The following MAGI1 variants were observed in gnomAD, a reference collection of about 807,000 sequenced individuals.
MAGI1 encodes the protein membrane-associated guanylate kinase, WW and PDZ domain-containing protein 1.
In MAGI1, 58 loss-of-function variants were observed where a neutral mutation model predicts 139.9. The observed-to-expected ratio is 0.41, with a 90% CI of 0.34 to 0.52. The LOEUF is 0.52. Ranked by LOEUF, MAGI1 falls within the 20% of genes least tolerant of loss-of-function variation. The pLI is 0.12. For synonymous variants in MAGI1, 812 were observed against 737.9 expected (o/e 1.10, Z -1.63); for missense variants, 1,874 against 1,901.6 (o/e 0.99, Z 0.27).
At chr3:65,637,576 G>GAAAGAAAC (rs2084709480) in intron 1 of MAGI1, among the ~76,000 whole-genome samples, 4 of 147,430 alleles carry the variant, frequency 2.7e-5, no homozygotes, top group African/African-American at 1.0e-4. Flanking sequence ...AAGAAAGAAA[G>GAAAGAAAC]AAAGAAAGAA....
rs10576734 is a variant in MAGI1 at position 65,639,989 on chromosome 3, C to CAAA, written c.314-17904_314-17902dup. ...GGGCAACAAGCGCAAAACTCCGTCT[C>CAAA]AAAAAAAAAAAAAAAATTACTTCCG... On this transcript the variant is annotated intron_variant, in intron 1 of 22. Coordinates refer to ENST00000402939, the MANE Select transcript of MAGI1 (RefSeq NM_001033057.2). Among the ~76,000 whole-genome samples the CAAA allele has an allele frequency of 9.4e-3, 1,274 of 136,250 alleles. 14 individuals carry two copies. Among genetic ancestry groups the CAAA allele is most frequent in the African/African-American group, 0.032 (1,225 of 37,816 alleles). The allele number at this position is 136,250 out of a possible 152,430, so 89.4% of individuals were successfully genotyped here.
intron 1 of MAGI1, among the ~76,000 whole-genome samples, chr3:65,745,345 G>A (rs1291095069): frequency 6.6e-6 from 1 of 152,124 alleles, no homozygotes; most frequent in Non-Finnish European, 1.5e-5. Context: ...TCAAGGATTA[G>A]TGGTCAGTAA....
intron 1 of MAGI1, among the ~76,000 whole-genome samples, chr3:65,747,220 C>G (rs2035784170): frequency 6.6e-6 from 1 of 152,192 alleles, no homozygotes; most frequent in Non-Finnish European, 1.5e-5. Context: ...AGGGGACCCT[C>G]TGAGGAGTCT....
At chr3:66,026,085 C>G (rs1303745126) in intron 1 of MAGI1, among the ~76,000 whole-genome samples, 1 of 151,360 alleles carries the variant, frequency 6.6e-6, no homozygotes, top group Non-Finnish European at 1.5e-5. Context: ...TCTTAACTAA[C>G]TCACACAGAC....
chr3:65,791,103 G>A (rs2039736581), intron 1 of MAGI1, among the ~76,000 whole-genome samples: 1 of 152,096 alleles, frequency 6.6e-6, no homozygotes, highest in Non-Finnish European at 1.5e-5. Flanking sequence ...AATAAAGAAT[G>A]TGCAAATCAA....
At chr3:65,623,389 G>C (rs1044319862) in intron 1 of MAGI1, among the ~76,000 whole-genome samples, 1 of 152,130 alleles carries the variant, frequency 6.6e-6, no homozygotes, top group African/African-American at 2.4e-5. Flanking sequence ...TCATAGAAAA[G>C]AGATACATTT....
intron 1 of MAGI1, among the ~76,000 whole-genome samples, chr3:65,705,949 T>A (rs1048377277): frequency 1.3e-5 from 2 of 152,252 alleles, no homozygotes; most frequent in Non-Finnish European, 2.9e-5. Flanking sequence ...TTTCTGTAGA[T>A]GAAATGTGGT....
Position 65,566,832 on chromosome 3 carries a change from G to A in MAGI1, c.430+55140C>T, listed in dbSNP as rs570007703. 8.2e-5 allele frequency among the ~76,000 whole-genome samples: 12 copies of A among 145,660 alleles called. No individual in the cohort carries two copies. In the East Asian group the frequency reaches 1.5e-3, roughly 19 times the overall value. On this transcript the variant is annotated intron_variant, in intron 2 of 22. Coordinates refer to ENST00000402939, the MANE Select transcript of MAGI1 (RefSeq NM_001033057.2). Reference sequence around the variant, plus strand: ...TAATTTTTGAGACCTCTCCTGACCCGGTGATCCACCCGCCTGGGCCTCCCA... The same window carrying A: ...TAATTTTTGAGACCTCTCCTGACCCAGTGATCCACCCGCCTGGGCCTCCCA...
chr3:65,820,472 T>G (rs1316651498), intron 1 of MAGI1, among the ~76,000 whole-genome samples: 1 of 152,172 alleles, frequency 6.6e-6, no homozygotes, highest in Non-Finnish European at 1.5e-5. Context: ...GGATCTCTTT[T>G]AAGTCGAGGA....
intron 12 of MAGI1, among the ~76,000 whole-genome samples, chr3:65,420,131 C>A (rs1282567223): frequency 6.6e-6 from 1 of 152,048 alleles, no homozygotes; most frequent in Non-Finnish European, 1.5e-5. Flanking sequence ...CAGGGACTAT[C>A]TGAACACGTT....
chr3:65,885,182 T>C (rs62245748), intron 1 of MAGI1, among the ~76,000 whole-genome samples: 8,268 of 152,212 alleles, frequency 0.054, 316 homozygotes, highest in Middle Eastern at 0.14. Context: ...GCAGATCACC[T>C]GAGGTCAAGA....
At chr3:65,706,796 G>A (rs574986292) in intron 1 of MAGI1, among the ~76,000 whole-genome samples, 2 of 152,220 alleles carry the variant, frequency 1.3e-5, no homozygotes, top group East Asian at 1.9e-4. Flanking sequence ...AAATGAAAAC[G>A]CAAGCAGGAG....
chr3:65,870,592 G>A (rs76351452), intron 1 of MAGI1, among the ~76,000 whole-genome samples: 73 of 150,880 alleles, frequency 4.8e-4, no homozygotes, highest in Non-Finnish European at 8.7e-4. Context: ...GAGAAGGAGG[G>A]AGGGAGAGGA....
chr3:65,687,742 C>T (rs1559787295), intron 1 of MAGI1: 6 of 549,188 alleles, frequency 1.1e-5, no homozygotes, highest in Middle Eastern at 6.6e-4. Context: ...CCTGAGAGCA[C>T]AGGATCCTTC....
At chr3:65,494,831 C>A (rs1324099597) in intron 2 of MAGI1, among the ~76,000 whole-genome samples, 1 of 152,224 alleles carries the variant, frequency 6.6e-6, no homozygotes, top group East Asian at 1.9e-4. Flanking sequence ...AAGTCAAAAA[C>A]ACTCAACACT....
At chr3:65,737,301 A>G (rs2107763465) in intron 1 of MAGI1, among the ~76,000 whole-genome samples, 1 of 152,348 alleles carries the variant, frequency 6.6e-6, no homozygotes, top group Middle Eastern at 3.4e-3. Context: ...CACTGCGCCC[A>G]GCGCATCAAG....
intron 1 of MAGI1, among the ~76,000 whole-genome samples, chr3:65,895,928 A>G (rs1347920483): frequency 6.6e-6 from 1 of 152,198 alleles, no homozygotes; most frequent in Non-Finnish European, 1.5e-5. Context: ...AAGCAGATAG[A>G]TACCCAGGTT....
chr3:65,811,860 G>C (rs751340276), intron 1 of MAGI1, among the ~76,000 whole-genome samples: 1 of 151,772 alleles, frequency 6.6e-6, no homozygotes, highest in Non-Finnish European at 1.5e-5. Flanking sequence ...GTCATTACCA[G>C]CTAGTTGATT....
chr3:65,472,698 G>T (rs1386841296), intron 4 of MAGI1, among the ~76,000 whole-genome samples: 2 of 152,192 alleles, frequency 1.3e-5, no homozygotes, highest in African/African-American at 4.8e-5. Flanking sequence ...CCAGGCCAGA[G>T]ATGCAAATGA....
Sources: allele counts gnomAD v4.1 joint callset (sites outside exome capture counted in the v4.1 genomes callset), GRCh38; gene constraint gnomAD v4.1.1; transcripts MANE v1.5; gene names NCBI Gene and HGNC (gene_info 2026-07-23, HGNC 2026-07-21).